Variants in TACR1 observed in about 807,000 individuals in gnomAD.
TACR1 encodes tachykinin receptor 1, also known as substance-P receptor.
Under a neutral mutation model 35.8 loss-of-function variants are expected in TACR1, and 25 were observed. The ratio of observed to expected loss-of-function variants is 0.70; its 90% confidence interval spans 0.51 to 0.98. The LOEUF (loss-of-function observed/expected upper bound fraction) is 0.98. TACR1 is among the 50% of genes least tolerant of loss of function. TACR1 has a pLI of 0.00. For missense variants in TACR1, 478 were observed against 522.9 expected (o/e 0.91, Z 0.84); for synonymous variants, 195 against 206.7 (o/e 0.94, Z 0.48).
At chr2:75,051,521 C>A in intron 3 of TACR1, 74 bp from the exon 4 acceptor site, 3 of 1,583,078 alleles carry the variant, frequency 1.9e-6, no homozygotes, top group South Asian at 1.1e-5. Context: ...TCTCCTCCCA[C>A]GCCCTCACTG....
At chr2:75,168,875 G>T (rs1675208889) in intron 1 of TACR1, among the ~76,000 whole-genome samples, 1 of 152,098 alleles carries the variant, frequency 6.6e-6, no homozygotes, top group African/African-American at 2.4e-5. Flanking sequence ...ATTTCTCGGT[G>T]TTGTAATCAC....
At chr2:75,181,755 G>T (rs552513929) in intron 1 of TACR1, among the ~76,000 whole-genome samples, 1 of 152,162 alleles carries the variant, frequency 6.6e-6, no homozygotes. Flanking sequence ...AATTTTTAAT[G>T]TAAGAGATGG....
chr2:75,104,832 G>GAGCTATC (rs1673607969), intron 2 of TACR1, among the ~76,000 whole-genome samples: 1 of 152,046 alleles, frequency 6.6e-6, no homozygotes, highest in Non-Finnish European at 1.5e-5. Context: ...AAACCACAAT[G>GAGCTATC]AGCTATCAGC....
chr2:75,089,285 T>G (rs74665565), intron 2 of TACR1, among the ~76,000 whole-genome samples: 2 of 152,180 alleles, frequency 1.3e-5, no homozygotes, highest in African/African-American at 2.4e-5. Context: ...TTCAAAGATA[T>G]ACCAAGAAGA....
intron 1 of TACR1, among the ~76,000 whole-genome samples, chr2:75,171,307 TGCACAAAAGTCAAGAATTGATGTTTGG>T: frequency 6.6e-6 from 1 of 152,352 alleles, no homozygotes; most frequent in South Asian, 2.1e-4. Context: ...GGTCTGTGGG[TGCACAAAAGTCAAGAATTGATGTTTGG>T]GAACCTCTGC....
At position 75,135,840 on chromosome 2, in the gene TACR1, G is replaced by A. The variant is rs537241186; in HGVS notation, c.390-15072C>T. ...TGGAATGAATTGCTTCCTTGCAGGG[G>A]GACCTTAAGACCTAGCTTTCCTGTG... On this transcript the variant is annotated intron_variant, in intron 1 of 4. Transcript: ENST00000305249. Among the ~76,000 whole-genome samples the A allele has an allele frequency of 3.3e-5, 5 of 152,174 alleles. No individual in the cohort carries two copies. In the South Asian group the frequency reaches 8.3e-4, roughly 25 times the overall value.
At chr2:75,140,631 A>T (rs981828775) in intron 1 of TACR1, among the ~76,000 whole-genome samples, 1 of 152,172 alleles carries the variant, frequency 6.6e-6, no homozygotes, top group African/African-American at 2.4e-5. Flanking sequence ...GCCTTTCTCT[A>T]ATCTTCTCCA....
At chr2:75,194,322 G>C (rs1007416754) in intron 1 of TACR1, among the ~76,000 whole-genome samples, 12 of 152,158 alleles carry the variant, frequency 7.9e-5, no homozygotes, top group Non-Finnish European at 1.2e-4. Flanking sequence ...GCCAGTTGTG[G>C]CCAATGAGCT....
intron 1 of TACR1, among the ~76,000 whole-genome samples, chr2:75,165,297 TC>T (rs1317305997): frequency 3.9e-5 from 6 of 152,202 alleles, no homozygotes; most frequent in African/African-American, 9.6e-5. Flanking sequence ...CATCTTCCAT[TC>T]TTTTTTATTT....
intron 1 of TACR1, among the ~76,000 whole-genome samples, chr2:75,151,506 G>A (rs943138294): frequency 1.3e-5 from 2 of 152,198 alleles, no homozygotes; most frequent in East Asian, 1.9e-4. Context: ...GCCTGCAGGT[G>A]CACAGAAGTC....
intron 2 of TACR1, among the ~76,000 whole-genome samples, chr2:75,068,372 C>T (rs1037543335): frequency 4.6e-5 from 7 of 152,120 alleles, no homozygotes; most frequent in African/African-American, 7.2e-5. Flanking sequence ...ATGTTAATCG[C>T]GTTTACAGAT....
At chr2:75,062,766 C>T (rs1279311343) in intron 2 of TACR1, among the ~76,000 whole-genome samples, 1 of 152,184 alleles carries the variant, frequency 6.6e-6, no homozygotes, top group Non-Finnish European at 1.5e-5. Context: ...TGAGATTACC[C>T]TTTTGTTTGC....
rs540403911 is a variant in TACR1, at chr2:75,137,549, C to G, written c.390-16781G>C. The stretch of plus-strand genomic sequence containing the variant: ...GATCATCCTGGCTAACACAGTGAAA[C>G]CCCATCTCTACTAACAACACAAAAT... On this transcript the variant is annotated intron_variant, in intron 1 of 4. Coordinates refer to ENST00000305249, the MANE Select transcript of TACR1 (RefSeq NM_001058.4). Among the ~76,000 whole-genome samples the G allele has an allele frequency of 6.6e-5, 10 of 151,674 alleles. No homozygotes were observed. In the South Asian group the frequency reaches 1.9e-3, roughly 29 times the overall value.
intron 2 of TACR1, among the ~76,000 whole-genome samples, chr2:75,074,698 C>T (rs1672946193): frequency 1.3e-5 from 2 of 151,634 alleles, no homozygotes; most frequent in Admixed American, 1.3e-4. Flanking sequence ...TTTTTTCTTC[C>T]AGGCAAGAAG....
At chr2:75,197,644 C>A (rs920636762) in intron 1 of TACR1, among the ~76,000 whole-genome samples, 4 of 152,132 alleles carry the variant, frequency 2.6e-5, no homozygotes, top group African/African-American at 9.7e-5. Context: ...TCCAGAATAC[C>A]ATCCCCAGTG....
chr2:75,171,161 G>T (rs1373257940), intron 1 of TACR1, among the ~76,000 whole-genome samples: 1 of 152,180 alleles, frequency 6.6e-6, no homozygotes, highest in Non-Finnish European at 1.5e-5. Flanking sequence ...GCTGGGCCAG[G>T]GGCCTTGCTG....
chr2:75,113,681 G>T (rs181219209), intron 2 of TACR1, among the ~76,000 whole-genome samples: 2 of 151,908 alleles, frequency 1.3e-5, no homozygotes, highest in Admixed American at 1.3e-4. Context: ...CAACCAAAGC[G>T]ATAATACTAG....
intron 2 of TACR1, among the ~76,000 whole-genome samples, chr2:75,061,151 G>A (rs933013494): frequency 2.0e-5 from 3 of 151,764 alleles, no homozygotes; most frequent in Admixed American, 1.3e-4. Context: ...GAGAAGAGAG[G>A]AGGTCCACAT....
intron 2 of TACR1, among the ~76,000 whole-genome samples, chr2:75,079,538 A>C (rs1673042008): frequency 6.6e-6 from 1 of 152,148 alleles, no homozygotes; most frequent in Admixed American, 6.5e-5. Flanking sequence ...GTAACCCTAC[A>C]CCAGTGGTAC....
Sources: allele counts gnomAD v4.1 joint callset (sites outside exome capture counted in the v4.1 genomes callset), GRCh38; gene constraint gnomAD v4.1.1; transcripts MANE v1.5; gene names NCBI Gene and HGNC (gene_info 2026-07-23, HGNC 2026-07-21).